CNTN5: variants seen among roughly 807,000 people sequenced by gnomAD.
The protein encoded by CNTN5 is contactin 5.
CNTN5 carries 77 observed loss-of-function variants against 129.1 expected under a neutral mutation model. The observed-to-expected ratio is 0.60, with a 90% CI of 0.50 to 0.72. The LOEUF (loss-of-function observed/expected upper bound fraction) is 0.72, where lower values mean the gene tolerates loss of function less well. Ranked by LOEUF, CNTN5 falls within the 30% of genes least tolerant of loss-of-function variation. The pLI is 0.00. For missense variants in CNTN5, 1,478 were observed against 1,328.8 expected (o/e 1.11, Z -1.75); for synonymous variants, 509 against 465.6 (o/e 1.09, Z -1.20).
intron 3 of CNTN5, among the ~76,000 whole-genome samples, chr11:99,588,693 C>A (rs1591324568): frequency 6.6e-6 from 1 of 152,138 alleles, no homozygotes; most frequent in Non-Finnish European, 1.5e-5. Flanking sequence ...GGATACCTAG[C>A]AGTTGACATC....
chr11:100,192,385 T>A (rs1413875280), intron 14 of CNTN5, among the ~76,000 whole-genome samples: 1 of 152,046 alleles, frequency 6.6e-6, no homozygotes, highest in African/African-American at 2.4e-5. Flanking sequence ...TATGGAACAT[T>A]TGACTTCCAG....
At chr11:100,004,561 G>A (rs552904538) in intron 9 of CNTN5, among the ~76,000 whole-genome samples, 12 of 152,172 alleles carry the variant, frequency 7.9e-5, no homozygotes, top group Non-Finnish European at 1.2e-4. Flanking sequence ...ATTTATCTGT[G>A]TCAGGATCCC....
At chr11:99,906,569 C>T (rs1330867492) in intron 6 of CNTN5, among the ~76,000 whole-genome samples, 4 of 152,062 alleles carry the variant, frequency 2.6e-5, no homozygotes, top group Non-Finnish European at 5.9e-5. Context: ...TGAGGATTTC[C>T]ACATTGATGT....
chr11:99,552,116 C>T (rs1378778054), intron 2 of CNTN5, among the ~76,000 whole-genome samples: 1 of 151,746 alleles, frequency 6.6e-6, no homozygotes, highest in Non-Finnish European at 1.5e-5. Context: ...CCATGTTGGC[C>T]AGGCTGGTCT....
intron 1 of CNTN5, among the ~76,000 whole-genome samples, chr11:99,178,731 G>A (rs1259493979): frequency 1.3e-5 from 2 of 151,914 alleles, no homozygotes; most frequent in Non-Finnish European, 2.9e-5. Flanking sequence ...ACCTTTTTGT[G>A]ACTAATTTCA....
intron 3 of CNTN5, among the ~76,000 whole-genome samples, chr11:99,699,968 T>TG (rs1236496285): frequency 7.9e-5 from 12 of 151,408 alleles, no homozygotes; most frequent in African/African-American, 2.7e-4. Flanking sequence ...TGGCACATAT[T>TG]GGGTAAATGA....
intron 3 of CNTN5, among the ~76,000 whole-genome samples, chr11:99,658,828 C>T (rs938124547): frequency 1.4e-5 from 2 of 140,654 alleles, no homozygotes; most frequent in African/African-American, 5.3e-5. Context: ...GTGGAGGATG[C>T]AGTGGGCCAA....
chr11:99,058,693 C>T (rs1864737734), intron 1 of CNTN5, among the ~76,000 whole-genome samples: 1 of 151,762 alleles, frequency 6.6e-6, no homozygotes, highest in Non-Finnish European at 1.5e-5. Flanking sequence ...GCTTGCTTCT[C>T]CAATTTGGCC....
At chr11:99,408,282 G>A (rs924343973) in intron 2 of CNTN5, among the ~76,000 whole-genome samples, 2 of 149,742 alleles carry the variant, frequency 1.3e-5, no homozygotes, top group African/African-American at 4.9e-5. Flanking sequence ...GCAGTGGTGC[G>A]ATCATAGCTC....
intron 13 of CNTN5, among the ~76,000 whole-genome samples, chr11:100,122,664 G>A (rs1340983684): frequency 6.6e-6 from 1 of 152,050 alleles, no homozygotes; most frequent in Non-Finnish European, 1.5e-5. Context: ...ATGCTTAGGT[G>A]TTTGAAGACT....
chr11:100,304,425 T>A (rs1283225974), intron 20 of CNTN5, among the ~76,000 whole-genome samples: 1 of 151,574 alleles, frequency 6.6e-6, no homozygotes, highest in Non-Finnish European at 1.5e-5. Flanking sequence ...GTTTTAGAGA[T>A]GCCTGAATGT....
chr11:99,368,577 T>C (rs1939610074), intron 2 of CNTN5, among the ~76,000 whole-genome samples: 1 of 152,186 alleles, frequency 6.6e-6, no homozygotes, highest in African/African-American at 2.4e-5. Context: ...TAAGCTTTAT[T>C]AAATAAGTTA....
At chr11:99,625,421 C>T (rs946489617) in intron 3 of CNTN5, among the ~76,000 whole-genome samples, 13 of 152,200 alleles carry the variant, frequency 8.5e-5, no homozygotes, top group Middle Eastern at 3.4e-3. Flanking sequence ...ATTCTTTCCC[C>T]GTCAGTGGAG....
chr11:99,780,004 T>TA (rs780484308), intron 3 of CNTN5, among the ~76,000 whole-genome samples: 9 of 152,016 alleles, frequency 5.9e-5, no homozygotes, highest in Non-Finnish European at 1.2e-4. Context: ...TCTTGATACG[T>TA]ATACGTGAAG....
chr11:99,023,282 A>G (rs1862967492), intron 1 of CNTN5, among the ~76,000 whole-genome samples: 1 of 152,196 alleles, frequency 6.6e-6, no homozygotes, highest in Non-Finnish European at 1.5e-5. Flanking sequence ...TATGTGTCCA[A>G]TTAAGTAGCG....
At chr11:99,911,971 C>T (rs552365452) in intron 6 of CNTN5, among the ~76,000 whole-genome samples, 53 of 151,962 alleles carry the variant, frequency 3.5e-4, no homozygotes, top group African/African-American at 1.3e-3. Flanking sequence ...CTTGTTTTGC[C>T]CTGCAGCCTT....
chr11:99,781,173 T>A lies in CNTN5; in HGVS notation c.56-38371T>A, dbSNP rs535547066. On this transcript the variant is annotated intron_variant, in intron 3 of 24. Coordinates refer to ENST00000524871, the MANE Select transcript of CNTN5 (RefSeq NM_014361.4). Reference sequence around the variant, plus strand: ...ACACACATTCAGAAAATGTGAAATATTCAAGAGTAAAATAAATTGTTAACT... The same window carrying A: ...ACACACATTCAGAAAATGTGAAATAATCAAGAGTAAAATAAATTGTTAACT... Among the ~76,000 whole-genome samples, 33 of 152,196 alleles carry A rather than the reference T, an allele frequency of 2.2e-4. No individual in the cohort carries two copies. The South Asian group carries it at 3.9e-3, about 18-fold the overall frequency.
chr11:100,249,673 T>C (rs1262180449), intron 16 of CNTN5, among the ~76,000 whole-genome samples: 1 of 152,194 alleles, frequency 6.6e-6, no homozygotes, highest in African/African-American at 2.4e-5. Flanking sequence ...TGCTTATTAA[T>C]CTATCTTCAA....
intron 16 of CNTN5, among the ~76,000 whole-genome samples, chr11:100,251,913 T>A (rs545116213): frequency 6.6e-6 from 1 of 152,278 alleles, no homozygotes; most frequent in South Asian, 2.1e-4. Flanking sequence ...ACTGACTTCC[T>A]TTTCTTTGGA....
Sources: allele counts gnomAD v4.1 joint callset (sites outside exome capture counted in the v4.1 genomes callset), GRCh38; gene constraint gnomAD v4.1.1; transcripts MANE v1.5; gene names NCBI Gene and HGNC (gene_info 2026-07-23, HGNC 2026-07-21).